CFAP251: variants seen among roughly 807,000 people sequenced by gnomAD.
The protein encoded by CFAP251 is cilia- and flagella-associated protein 251.
In CFAP251, 93 loss-of-function variants were observed where a neutral mutation model predicts 126.7. The ratio of observed to expected loss-of-function variants is 0.73; its 90% CI spans 0.62 to 0.87. The LOEUF is 0.87. Ranked by LOEUF, CFAP251 falls within the 40% of genes least tolerant of loss-of-function variation. CFAP251 has a pLI of 0.00. For synonymous variants in CFAP251, 503 were observed against 506.9 expected (o/e 0.99, Z 0.10); for missense variants, 1,287 against 1,389.2 (o/e 0.93, Z 1.17).
intron 7 of CFAP251, chr12:121,948,783 A>AT (rs1881415672): frequency 2.5e-6 from 1 of 407,606 alleles, no homozygotes; most frequent in Admixed American, 4.6e-5. Flanking sequence ...ATCAAACTGG[A>AT]AAGGGAACAC....
At chr12:121,943,050 A>T in intron 7 of CFAP251, 75 bp downstream of exon 7, 1 of 1,511,062 alleles carries the variant, frequency 6.6e-7, no homozygotes. Context: ...GTGGTGGCTC[A>T]CACCTGTAAT....
chr12:121,969,362 T>G (rs1298857328), intron 17 of CFAP251: 41 of 985,162 alleles, frequency 4.2e-5, no homozygotes, highest in Admixed American at 1.8e-4. Context: ...GAGCTGGAGG[T>G]GAACTCTCCT....
In CFAP251 at chr12:121,968,173, C is replaced by T. The variant is rs150232772; in HGVS notation, c.2771+4C>T. ...TGCAGTGGAAAATCACCTTAAGGTA[C>T]ACGATGGGGCGAGAAGGAAGGTATC... is the stretch of plus-strand genomic sequence containing the variant. On this transcript the variant is annotated splice_donor_region_variant and intron_variant, in intron 17 of 21. Coordinates refer to ENST00000288912, the MANE Select transcript of CFAP251 (RefSeq NM_144668.6). 335 of 1,594,274 alleles carry T rather than the reference C, an allele frequency of 2.1e-4. 2 individuals are homozygous for T. In the African/African-American group the frequency reaches 3.7e-3, roughly 18 times the overall value.
At chr12:121,976,260 C>T (rs561977214) in intron 19 of CFAP251, among the ~76,000 whole-genome samples, 76 of 152,146 alleles carry the variant, frequency 5.0e-4, no homozygotes, top group South Asian at 3.3e-3. Flanking sequence ...CTGCCCGCCT[C>T]GGCCTCCCAA....
At chr12:121,926,588 A>G (rs2083687812) in intron 3 of CFAP251, among the ~76,000 whole-genome samples, 1 of 152,118 alleles carries the variant, frequency 6.6e-6, no homozygotes, top group South Asian at 2.1e-4. Context: ...TCGGCCTCCC[A>G]AAGTGTTGAG....
chr12:121,971,801 G>A, intron 17 of CFAP251: 1 of 556,722 alleles, frequency 1.8e-6, no homozygotes, highest in Non-Finnish European at 3.3e-6. Context: ...ATCTTGAATT[G>A]TACTCCGATA....
rs71082926 is a variant in CFAP251 at position 121,998,432 on chromosome 12, AAT to A, written c.3007-1229_3007-1228del. ...TACCAGTTCTAATAGTTTTTAGTGT[AAT>A]ATATATATATATATATATATATATA... On this transcript the variant is annotated intron_variant, in intron 19 of 21. Transcript: ENST00000288912. The A allele has an allele frequency of 4.1e-3, 344 of 84,362 alleles. 1 individual carries two copies. The highest frequency in any genetic ancestry group is 4.5e-3 in the Non-Finnish European group (182 of 40,364). 5.2% of individuals were successfully genotyped at this position (84,362 alleles called of 1,614,324 possible). A position where few individuals can be genotyped will look rare whatever the true frequency, so the allele number is the denominator to read the frequency against.
At chr12:121,970,720 G>A (rs991459437) in intron 17 of CFAP251, among the ~76,000 whole-genome samples, 2 of 152,360 alleles carry the variant, frequency 1.3e-5, no homozygotes, top group Admixed American at 1.3e-4. Flanking sequence ...CGTTGGGATC[G>A]CATGTAGCTA....
In CFAP251 at chr12:121,931,754, C is replaced by G. The variant is rs973967422; in HGVS notation, c.756C>G (p.Thr252=). 6.3e-7 allele frequency: 1 copy of G among 1,575,618 alleles called. No homozygotes were observed. The highest frequency in any genetic ancestry group is 1.9e-5 in the Admixed American group (1 of 53,698). Residue 252 remains threonine, a synonymous_variant, in exon 4 of 22, where the codon ACC becomes ACG. Transcript: ENST00000288912. ...TTGCCCTTGTCTTCCAGACCATGAC[C>G]TGGTCGTTTGGATGGAACAGTTCTC... ...KSTPVYPLTM[T]WSFGWNSSLP... is the part of the protein sequence containing the mutation.
In CFAP251 at chr12:121,931,673, G is replaced by A. The variant is rs553119946; in HGVS notation, c.748-73G>A. 62 of 1,363,882 alleles carry A rather than the reference G, an allele frequency of 4.5e-5. No homozygotes were observed. In the South Asian group the frequency reaches 4.6e-4, roughly 10 times the overall value. 84.5% of individuals were successfully genotyped at this position (1,363,882 alleles called of 1,614,324 possible). A position where few individuals can be genotyped will look rare whatever the true frequency, so the allele number is the denominator to read the frequency against. ...TGTTGATGTGAAATCCTTCCCCTCC[G>A]GCGAGTTCCTGGAGCCCCAGCTCTG... is the stretch of plus-strand genomic sequence containing the variant. On this transcript the variant is annotated intron_variant, in intron 3 of 21. Transcript: ENST00000288912.
chr12:121,964,063 C>G (rs888890136), intron 15 of CFAP251, among the ~76,000 whole-genome samples: 4 of 152,164 alleles, frequency 2.6e-5, no homozygotes, highest in African/African-American at 4.8e-5. Flanking sequence ...CTGGCAGCAG[C>G]TGGCTCAGGC....
intron 10 of CFAP251, among the ~76,000 whole-genome samples, chr12:121,956,239 C>T (rs1327445790): frequency 2.0e-5 from 3 of 152,146 alleles, no homozygotes; most frequent in Non-Finnish European, 2.9e-5. Flanking sequence ...TGCCAGCCTG[C>T]ATGATTTCAG....
chr12:121,993,764 T>A (rs201948200), intron 19 of CFAP251, among the ~76,000 whole-genome samples: 994 of 109,422 alleles, frequency 9.1e-3, no homozygotes, highest in Middle Eastern at 0.052. Context: ...GGAGCCCCTC[T>A]GCCCGGCCAG....
At chr12:121,997,376 G>T (rs1014372393) in intron 19 of CFAP251, 14 of 132,830 alleles carry the variant, frequency 1.1e-4, no homozygotes, top group Admixed American at 6.2e-4. Context: ...CAAGGTGTGA[G>T]TCACCGTTCC....
chr12:121,943,411 G>GTTTTGT (rs202054109), intron 7 of CFAP251, among the ~76,000 whole-genome samples: 1 of 152,056 alleles, frequency 6.6e-6, no homozygotes, highest in Non-Finnish European at 1.5e-5. Flanking sequence ...TTGTTTGTTT[G>GTTTTGT]TTTTGTTTTT....
chr12:121,934,656 A>G (rs1033905118), intron 5 of CFAP251, among the ~76,000 whole-genome samples: 2 of 152,168 alleles, frequency 1.3e-5, no homozygotes, highest in Non-Finnish European at 2.9e-5. Context: ...GTTCGTGTCT[A>G]TCGCTGCTCC....
At chr12:121,958,748 G>A (rs1881820678) in intron 12 of CFAP251, among the ~76,000 whole-genome samples, 195 bp from the exon 13 acceptor site, 1 of 152,202 alleles carries the variant, frequency 6.6e-6, no homozygotes, top group Non-Finnish European at 1.5e-5. Flanking sequence ...TGGGGCTCCC[G>A]CGGTGTCCTG....
At chr12:121,919,710 GCTT>G (rs1433288682) in intron 1 of CFAP251, among the ~76,000 whole-genome samples, 2 of 152,130 alleles carry the variant, frequency 1.3e-5, no homozygotes, top group Non-Finnish European at 2.9e-5. Flanking sequence ...AGGCTACCCT[GCTT>G]CTTCTCGTAT....
chr12:121,953,865 C>T (rs913755020), intron 9 of CFAP251: 3 of 440,770 alleles, frequency 6.8e-6, no homozygotes, highest in East Asian at 8.4e-5. Flanking sequence ...CAGTGATTAA[C>T]CACTCTCTCG....
Sources: allele counts gnomAD v4.1 joint callset (sites outside exome capture counted in the v4.1 genomes callset), GRCh38; gene constraint gnomAD v4.1.1; transcripts MANE v1.5; gene names NCBI Gene and HGNC (gene_info 2026-07-23, HGNC 2026-07-21).